Variants in ERC2 observed in about 807,000 individuals in gnomAD.
ERC2 encodes ELKS/RAB6-interacting/CAST family member 2.
ERC2 carries 42 observed loss-of-function variants against 114.8 expected under a neutral mutation model. That is an observed-to-expected ratio of 0.37 (90% CI 0.29 to 0.47). The LOEUF (loss-of-function observed/expected upper bound fraction) is 0.47, where lower values mean the gene tolerates loss of function less well. ERC2 is among the 20% of genes least tolerant of loss of function. ERC2 has a pLI of 0.99. For missense variants in ERC2, 939 were observed against 1,150.7 expected, an observed-to-expected ratio of 0.82 and a Z score of 2.66; for synonymous variants, 454 against 425.5, an observed-to-expected ratio of 1.07 and a Z score of -0.82.
chr3:56,056,796 CTG>C (rs2076032990), intron 7 of ERC2, among the ~76,000 whole-genome samples: 1 of 152,162 alleles, frequency 6.6e-6, no homozygotes, highest in South Asian at 2.1e-4. Flanking sequence ...TATTAAGAGA[CTG>C]GAATGAATGA....
At chr3:55,725,069 A>G (rs2148895826) in intron 15 of ERC2, among the ~76,000 whole-genome samples, 1 of 152,346 alleles carries the variant, frequency 6.6e-6, no homozygotes, top group Admixed American at 6.5e-5. Context: ...TGGCATTTGC[A>G]TGCTATTCCC....
intron 14 of ERC2, among the ~76,000 whole-genome samples, chr3:55,767,386 G>A (rs778755114): frequency 6.6e-6 from 1 of 151,980 alleles, no homozygotes; most frequent in Non-Finnish European, 1.5e-5. Flanking sequence ...CTTCGGCAAG[G>A]CCACCTATTC....
intron 14 of ERC2, among the ~76,000 whole-genome samples, chr3:55,850,956 C>T (rs2061545091): frequency 1.3e-5 from 2 of 151,724 alleles, no homozygotes; most frequent in Non-Finnish European, 2.9e-5. Flanking sequence ...TCTAGCCTGA[C>T]TTCCCCTGGG....
At chr3:55,862,756 T>A (rs2062087046) in intron 14 of ERC2, among the ~76,000 whole-genome samples, 1 of 152,184 alleles carries the variant, frequency 6.6e-6, no homozygotes, top group Non-Finnish European at 1.5e-5. Flanking sequence ...TGTTCAAACC[T>A]GTCACACTTC....
intron 14 of ERC2, among the ~76,000 whole-genome samples, chr3:55,741,556 C>A (rs963350489): frequency 1.3e-5 from 2 of 152,102 alleles, no homozygotes; most frequent in African/African-American, 4.8e-5. Context: ...GTTCCATAAG[C>A]CTGAAATCAT....
intron 1 of ERC2, among the ~76,000 whole-genome samples, chr3:56,448,834 G>C (rs994944415): frequency 6.6e-6 from 1 of 152,142 alleles, no homozygotes; most frequent in Non-Finnish European, 1.5e-5. Flanking sequence ...CCAGCACTTT[G>C]GGAGGCCAAG....
chr3:56,467,721 C>T (rs1020813555), intron 1 of ERC2, among the ~76,000 whole-genome samples: 5 of 152,034 alleles, frequency 3.3e-5, no homozygotes, highest in African/African-American at 1.2e-4. Context: ...TTCCCTGACA[C>T]GGGTTTTTTA....
At chr3:56,134,224 CCTTTA>C (rs1259481230) in intron 6 of ERC2, among the ~76,000 whole-genome samples, 2 of 152,154 alleles carry the variant, frequency 1.3e-5, no homozygotes, top group African/African-American at 4.8e-5. Flanking sequence ...TTCTTTCCTT[CCTTTA>C]CTTATCTGCT....
At chr3:56,349,848 G>A (rs905239878) in intron 2 of ERC2, among the ~76,000 whole-genome samples, 5 of 152,038 alleles carry the variant, frequency 3.3e-5, no homozygotes, top group African/African-American at 1.2e-4. Flanking sequence ...AGGAGGTGGA[G>A]GTTGCAGTGA....
intron 3 of ERC2, among the ~76,000 whole-genome samples, chr3:56,193,107 T>C (rs2047891007): frequency 1.3e-5 from 2 of 152,208 alleles, no homozygotes; most frequent in South Asian, 4.1e-4. Context: ...GGAAAGAAAA[T>C]TCATGAATAC....
intron 3 of ERC2, among the ~76,000 whole-genome samples, chr3:56,261,353 T>C (rs1181332443): frequency 1.3e-5 from 2 of 151,326 alleles, no homozygotes; most frequent in Non-Finnish European, 3.0e-5. Context: ...CACTATCTTA[T>C]AAACGGCTCT....
At chr3:55,794,974 T>C (rs572643850) in intron 14 of ERC2, among the ~76,000 whole-genome samples, 65 of 152,192 alleles carry the variant, frequency 4.3e-4, no homozygotes, top group Non-Finnish European at 7.1e-4. Context: ...AGGTAATACA[T>C]AGGAAATAAA....
rs750451019 is a variant in ERC2 at position 55,888,459 on chromosome 3, C to T, written c.2494G>A (p.Glu832Lys). The T allele has an allele frequency of 1.1e-5, 17 of 1,613,700 alleles. No homozygotes were observed. Among genetic ancestry groups the T allele is most frequent in the Admixed American group, 3.3e-5 (2 of 59,970 alleles). Residue 832 changes from glutamate (E) to lysine (K), a missense_variant, in exon 14 of 18, where the codon GAA becomes AAA. Glu to Lys is a moderately conservative substitution (Grantham distance 56, BLOSUM62 1). Transcript: ENST00000288221. ...RLASTQQSLAEKEAHLANLRI... is the reference protein window; with the variant it reads ...RLASTQQSLAKKEAHLANLRI... ...AGGTTGGCCAAGTGCGCTTCTTTTT[C>T]GGCCAGGGACTGTTGTGTGGAGGCG...
At chr3:55,860,011 A>G (rs1419401352) in intron 14 of ERC2, among the ~76,000 whole-genome samples, 2 of 152,108 alleles carry the variant, frequency 1.3e-5, no homozygotes, top group African/African-American at 4.8e-5. Flanking sequence ...TAAAGCACGT[A>G]TTATGTTGCT....
At chr3:56,206,269 G>A (rs555306250) in intron 3 of ERC2, among the ~76,000 whole-genome samples, 2 of 152,028 alleles carry the variant, frequency 1.3e-5, no homozygotes, top group Admixed American at 6.6e-5. Flanking sequence ...TCTGACACCA[G>A]GATTCTTATC....
At chr3:56,314,719 T>C (rs2056783665) in intron 2 of ERC2, among the ~76,000 whole-genome samples, 1 of 152,198 alleles carries the variant, frequency 6.6e-6, no homozygotes, top group Admixed American at 6.5e-5. Flanking sequence ...TTAACATCAC[T>C]GAACACTAGT....
chr3:55,671,652 C>T (rs2148736563), intron 17 of ERC2, among the ~76,000 whole-genome samples: 1 of 152,256 alleles, frequency 6.6e-6, no homozygotes, highest in Non-Finnish European at 1.5e-5. Flanking sequence ...AAAAGAAAAG[C>T]CTAATGGTGG....
intron 3 of ERC2, among the ~76,000 whole-genome samples, chr3:56,276,965 G>T (rs1027542958): frequency 6.6e-6 from 1 of 152,180 alleles, no homozygotes; most frequent in African/African-American, 2.4e-5. Context: ...CAGTATATCA[G>T]GGCCCGAGGC....
At chr3:55,575,557 T>C (rs2056934050) in intron 17 of ERC2, among the ~76,000 whole-genome samples, 1 of 152,130 alleles carries the variant, frequency 6.6e-6, no homozygotes, top group South Asian at 2.1e-4. Context: ...TAAGAATTCT[T>C]TGGAGTGGAT....
Sources: gnomAD v4.1 joint callset for allele counts (sites outside exome capture counted in the v4.1 genomes callset) on GRCh38, gnomAD v4.1.1 for gene constraint, MANE v1.5 for transcripts, NCBI Gene and HGNC (gene_info 2026-07-23, HGNC 2026-07-21) for gene names.